The following SAMD12 variants were observed in gnomAD, a reference collection of about 807,000 sequenced individuals.
SAMD12 encodes sterile alpha motif domain-containing protein 12.
In SAMD12, 9 loss-of-function variants were observed where a neutral mutation model predicts 15.0. The observed-to-expected ratio is 0.60, with a 90% confidence interval of 0.36 to 1.05. The LOEUF (loss-of-function observed/expected upper bound fraction) is 1.05. Among genes scored for constraint, SAMD12 ranks in the 50% least tolerant of loss-of-function variants. SAMD12 has a pLI of 0.01. For missense variants in SAMD12, 230 were observed against 234.2 expected, an observed-to-expected ratio of 0.98 and a Z score of 0.12; for synonymous variants, 86 against 90.1, an observed-to-expected ratio of 0.96 and a Z score of 0.25.
At chr8:118,292,375 C>CACACACACACACACACACACACAT (rs901976215) in intron 4 of SAMD12, among the ~76,000 whole-genome samples, 4 of 151,398 alleles carry the variant, frequency 2.6e-5, no homozygotes, top group Non-Finnish European at 4.4e-5. Context: ...CACACACACA[C>CACACACACACACACACACACACAT]ATATTCCGGA....
At chr8:118,399,185 G>A (rs889453864) in intron 3 of SAMD12, among the ~76,000 whole-genome samples, 1 of 137,832 alleles carries the variant, frequency 7.3e-6, no homozygotes, top group Non-Finnish European at 1.6e-5. Flanking sequence ...CACCAGGCCC[G>A]ATAAATTTTT....
rs538097926 is a variant in SAMD12, at chr8:118,452,432, T to C, written c.193-12471A>G. Among the ~76,000 whole-genome samples, 21 of 152,320 alleles carry C rather than the reference T, an allele frequency of 1.4e-4. 1 individual carries two copies. The highest frequency in any genetic ancestry group is 7.2e-4 in the Admixed American group (11 of 15,306). On this transcript the variant is annotated intron_variant, in intron 2 of 3. Coordinates refer to ENST00000314727, the MANE Select transcript of SAMD12 (RefSeq NM_207506.3). ...ATTTTTTACTTTATACATATTCTTA[T>C]ACATTTGTATTTACTCTTCAAATAC...
intron 4 of SAMD12, among the ~76,000 whole-genome samples, chr8:118,351,511 A>G (rs144261301): frequency 2.6e-5 from 4 of 152,240 alleles, no homozygotes; most frequent in African/African-American, 9.6e-5. Context: ...CACAGCATTT[A>G]CCTCATTGTG....
At chr8:118,556,388 T>A (rs1029374031) in intron 2 of SAMD12, among the ~76,000 whole-genome samples, 3 of 152,174 alleles carry the variant, frequency 2.0e-5, no homozygotes, top group African/African-American at 7.2e-5. Context: ...TCTTCATGAC[T>A]CATGAGACAG....
Position 118,403,252 on chromosome 8 carries a change from C to T in SAMD12, c.323-23552G>A, listed in dbSNP as rs559448395. ...GCTAATGAAAACAAAGAGAAAGGAA[C>T]AAAAATATGTCCTAACTTGCACAAA... On this transcript the variant is annotated intron_variant, in intron 3 of 3. Coordinates refer to ENST00000314727, the MANE Select transcript of SAMD12 (RefSeq NM_207506.3). Among the ~76,000 whole-genome samples the T allele has an allele frequency of 3.2e-3, 483 of 152,122 alleles. 5 individuals are homozygous for T. Among genetic ancestry groups the T allele is most frequent in the African/African-American group, 0.011 (464 of 41,494 alleles).
intron 2 of SAMD12, among the ~76,000 whole-genome samples, chr8:118,523,448 T>C (rs1348270958): frequency 1.3e-5 from 2 of 152,188 alleles, no homozygotes; most frequent in African/African-American, 4.8e-5. Flanking sequence ...ATCATGCCTA[T>C]TTCTGTAAAT....
intron 4 of SAMD12, among the ~76,000 whole-genome samples, chr8:118,281,793 T>C (rs1393752495): frequency 6.6e-6 from 1 of 152,196 alleles, no homozygotes; most frequent in Non-Finnish European, 1.5e-5. Flanking sequence ...TTAAAAGCCC[T>C]TCTCCAATTT....
chr8:118,136,794 C>T, the SAMD12 span, among the ~76,000 whole-genome samples: 1 of 152,270 alleles, frequency 6.6e-6, no homozygotes, highest in African/African-American at 2.4e-5. Flanking sequence ...CAGAAGGAGA[C>T]TGTAGAAGAT....
At chr8:118,217,060 G>A (rs546728713) in intron 4 of SAMD12, among the ~76,000 whole-genome samples, 53 of 152,236 alleles carry the variant, frequency 3.5e-4, no homozygotes, top group South Asian at 2.3e-3. Flanking sequence ...CTGGAGTGCA[G>A]TGGTGCGATC....
chr8:118,536,336 T>G (rs1825840140), intron 2 of SAMD12, among the ~76,000 whole-genome samples: 6 of 152,146 alleles, frequency 3.9e-5, no homozygotes, highest in Admixed American at 3.9e-4. Context: ...AGATACTATT[T>G]ACTATTTAGT....
intron 4 of SAMD12, among the ~76,000 whole-genome samples, chr8:118,270,214 C>A (rs1813319074): frequency 6.6e-6 from 1 of 152,156 alleles, no homozygotes; most frequent in Non-Finnish European, 1.5e-5. Context: ...ATACTAACTT[C>A]TTCTGAGTTT....
chr8:118,515,351 G>A (rs902950593), intron 2 of SAMD12, among the ~76,000 whole-genome samples: 8 of 151,812 alleles, frequency 5.3e-5, no homozygotes, highest in East Asian at 1.9e-4. Flanking sequence ...CTCCAGCCAC[G>A]TAAGATGCGT....
chr8:118,149,252 C>T, the SAMD12 span, among the ~76,000 whole-genome samples: 1 of 152,190 alleles, frequency 6.6e-6, no homozygotes, highest in East Asian at 1.9e-4. Context: ...CAGGCATGAG[C>T]CCATTAGCAG....
chr8:118,578,955 G>T (rs923288964), intron 2 of SAMD12, among the ~76,000 whole-genome samples: 1 of 152,116 alleles, frequency 6.6e-6, no homozygotes, highest in Non-Finnish European at 1.5e-5. Flanking sequence ...TGTTCCAGAA[G>T]AAAGGCACAT....
intron 4 of SAMD12, among the ~76,000 whole-genome samples, chr8:118,333,593 G>T (rs1816906145): frequency 6.6e-6 from 1 of 151,314 alleles, no homozygotes; most frequent in Non-Finnish European, 1.5e-5. Flanking sequence ...CCAAGAAGGA[G>T]TGTCCCATTT....
At chr8:118,461,961 G>C (rs1823436252) in intron 2 of SAMD12, among the ~76,000 whole-genome samples, 1 of 152,170 alleles carries the variant, frequency 6.6e-6, no homozygotes, top group Non-Finnish European at 1.5e-5. Flanking sequence ...GACACTACAG[G>C]CATGCATTGC....
the SAMD12 span, among the ~76,000 whole-genome samples, chr8:118,146,546 A>G: frequency 6.6e-6 from 1 of 152,348 alleles, no homozygotes. Context: ...AGGAAAACAC[A>G]GCTATGTTGC....
chr8:118,389,514 G>C (rs1820154523), intron 3 of SAMD12, among the ~76,000 whole-genome samples: 1 of 152,130 alleles, frequency 6.6e-6, no homozygotes, highest in Admixed American at 6.5e-5. Context: ...GGCCAGCCTG[G>C]CCAACATGGT....
At chr8:118,215,563 A>C (rs1005861989) in intron 4 of SAMD12, among the ~76,000 whole-genome samples, 4 of 152,056 alleles carry the variant, frequency 2.6e-5, no homozygotes, top group Non-Finnish European at 5.9e-5. Flanking sequence ...CGCTGGACCC[A>C]CTAACTCGTC....
Sources: allele counts gnomAD v4.1 joint callset (sites outside exome capture counted in the v4.1 genomes callset), GRCh38; gene constraint gnomAD v4.1.1; transcripts MANE v1.5; gene names NCBI Gene and HGNC (gene_info 2026-07-23, HGNC 2026-07-21).